The following SOS1 variants were observed in gnomAD, a reference collection of about 807,000 sequenced individuals.
SOS1 encodes the protein SOS Ras/Rac guanine nucleotide exchange factor 1, also known as son of sevenless homolog 1.
Under a neutral mutation model 157.6 loss-of-function variants are expected in SOS1, and 25 were observed. The ratio of observed to expected loss-of-function variants is 0.16; its 90% CI spans 0.12 to 0.22. SOS1 has a LOEUF of 0.22. Ranked by LOEUF, SOS1 falls within the 10% of genes least tolerant of loss-of-function variation. SOS1 has a pLI of 1.00. For missense variants in SOS1, 1,237 were observed against 1,599.1 expected (o/e 0.77, Z 3.86); for synonymous variants, 528 against 534.0 (o/e 0.99, Z 0.16).
At chr2:39,048,400 TTTC>T (rs1670873395) in intron 6 of SOS1, among the ~76,000 whole-genome samples, 1 of 152,086 alleles carries the variant, frequency 6.6e-6, no homozygotes, top group Non-Finnish European at 1.5e-5. Context: ...CTTTTAAGAT[TTTC>T]TTTTTTTTTT....
At chr2:39,040,159 C>T (rs1670515134) in intron 6 of SOS1, among the ~76,000 whole-genome samples, 1 of 151,910 alleles carries the variant, frequency 6.6e-6, no homozygotes, top group Non-Finnish European at 1.5e-5. Context: ...CTACAAGCGC[C>T]CGCCACTACA....
At chr2:39,011,347 A>C (rs183225385) in intron 14 of SOS1, among the ~76,000 whole-genome samples, 8 of 152,244 alleles carry the variant, frequency 5.3e-5, no homozygotes, top group African/African-American at 1.9e-4. Flanking sequence ...TTAGGGTGAC[A>C]AAGTAGACAT....
At chr2:38,995,587 A>G (rs1435464271) in intron 19 of SOS1, among the ~76,000 whole-genome samples, 200 bp from the exon 20 acceptor site, 1 of 152,144 alleles carries the variant, frequency 6.6e-6, no homozygotes, top group Non-Finnish European at 1.5e-5. Context: ...AAATTGTTAA[A>G]GAATGCATTT....
intron 2 of SOS1, among the ~76,000 whole-genome samples, chr2:39,065,566 T>C (rs1235493600): frequency 6.6e-6 from 1 of 152,240 alleles, no homozygotes; most frequent in Non-Finnish European, 1.5e-5. Context: ...TTTCTCTCTT[T>C]CAGATGTCCT....
intron 1 of SOS1, among the ~76,000 whole-genome samples, chr2:39,086,930 A>G (rs930911663): frequency 1.3e-5 from 2 of 152,070 alleles, no homozygotes; most frequent in Non-Finnish European, 2.9e-5. Flanking sequence ...CTCCTGCCTC[A>G]GCCTCCCAAG....
intron 8 of SOS1, among the ~76,000 whole-genome samples, chr2:39,033,265 G>C (rs949316367): frequency 1.6e-4 from 24 of 147,200 alleles, no homozygotes; most frequent in African/African-American, 5.7e-4. Flanking sequence ...GGACTAATTA[G>C]ACAAAATTTC....
rs70954777 is a variant in SOS1, at chr2:39,021,525, G to GA, written c.1858+1044dup. 5.0e-3 allele frequency among the ~76,000 whole-genome samples: 524 copies of GA among 104,676 alleles called. 3 individuals are homozygous for GA. The highest frequency in any genetic ancestry group is 6.3e-3 in the African/African-American group (178 of 28,226). 68.7% of individuals were successfully genotyped at this position (104,676 alleles called of 152,430 possible). ...TAAGTCTTCTTACAATGCTCTACAGGAAAAAAAAAAAAAAAAAAAAAATTA... is the reference window on the plus strand; with the variant it reads ...TAAGTCTTCTTACAATGCTCTACAGGAAAAAAAAAAAAAAAAAAAAAAATTA... On this transcript the variant is annotated intron_variant, in intron 10 of 22. Coordinates refer to ENST00000402219, the MANE Select transcript of SOS1 (RefSeq NM_005633.4).
At chr2:39,034,744 T>C (rs963227031) in intron 8 of SOS1, 5 of 454,052 alleles carry the variant, frequency 1.1e-5, no homozygotes, top group African/African-American at 6.0e-5. Flanking sequence ...AGTTGCAAAC[T>C]TGAGCTATGA....
At chr2:39,016,182 G>A (rs1224629872) in intron 10 of SOS1, among the ~76,000 whole-genome samples, 4 of 151,780 alleles carry the variant, frequency 2.6e-5, no homozygotes, top group Non-Finnish European at 5.9e-5. Context: ...TTGATATGTG[G>A]TCATCGAGAT....
At chr2:39,114,860 C>T (rs1389668789) in intron 1 of SOS1, among the ~76,000 whole-genome samples, 2 of 152,128 alleles carry the variant, frequency 1.3e-5, no homozygotes, top group Non-Finnish European at 2.9e-5. Context: ...GGCCTCCCAA[C>T]ATGCTAGGAT....
intron 1 of SOS1, among the ~76,000 whole-genome samples, chr2:39,074,162 C>T (rs1445591423): frequency 6.6e-6 from 1 of 152,030 alleles, no homozygotes; most frequent in African/African-American, 2.4e-5. Flanking sequence ...CAAGCCTGAG[C>T]AACACAGTGA....
intron 1 of SOS1, among the ~76,000 whole-genome samples, chr2:39,119,863 C>G (rs973158782): frequency 3.9e-5 from 6 of 152,198 alleles, no homozygotes; most frequent in Non-Finnish European, 8.8e-5. Context: ...GCGAGCAGAG[C>G]AGGCCACGTT....
At chr2:39,052,280 ATTTTT>A (rs138822500) in intron 5 of SOS1, among the ~76,000 whole-genome samples, 1 of 152,110 alleles carries the variant, frequency 6.6e-6, no homozygotes, top group Non-Finnish European at 1.5e-5. Flanking sequence ...CTATTATTTG[ATTTTT>A]TTATCAGTGA....
intron 1 of SOS1, among the ~76,000 whole-genome samples, chr2:39,113,207 T>A (rs1442810146): frequency 1.3e-5 from 2 of 152,144 alleles, no homozygotes; most frequent in African/African-American, 4.8e-5. Flanking sequence ...TTAATGTATT[T>A]AGAGACACAG....
intron 1 of SOS1, among the ~76,000 whole-genome samples, chr2:39,111,982 G>A (rs1376051347): frequency 1.3e-5 from 2 of 151,114 alleles, no homozygotes; most frequent in African/African-American, 2.4e-5. Flanking sequence ...TGCCCTCCTT[G>A]GCCTCTATCT....
At chr2:39,072,715 A>G (rs1052608762) in intron 1 of SOS1, among the ~76,000 whole-genome samples, 7 of 152,232 alleles carry the variant, frequency 4.6e-5, no homozygotes, top group Non-Finnish European at 8.8e-5. Flanking sequence ...TAAATCAAAC[A>G]AAGAATTAGC....
chr2:39,013,873 T>A lies in SOS1; in HGVS notation c.2057A>T (p.Gln686Leu), dbSNP rs751118433. 3 of 1,610,496 alleles carry A rather than the reference T, an allele frequency of 1.9e-6. No individual in the cohort carries two copies. The highest frequency in any genetic ancestry group is 3.3e-4 in the Middle Eastern group (2 of 6,048). Residue 686 changes from glutamine (Q) to leucine (L), a missense_variant, in exon 12 of 23, where the codon CAA becomes CTA. Physicochemically the swap from Gln to Leu is moderately radical, Grantham distance 113. Around this residue, in one of 15 missense-constraint regions of SOS1, gnomAD observed 42 missense variants for 80.4 expected, o/e 0.52. Transcript: ENST00000402219. ...TCATTTATTTAATGCTTACCGCAGT[T>A]GCACAGGCTGTATATATTCTTTTCT... ...RFRKEYIQPV[Q>L]LRVLNVCRHW...
chr2:39,114,298 CTTTTTT>C (rs747826503), intron 1 of SOS1, among the ~76,000 whole-genome samples: 1 of 143,864 alleles, frequency 7.0e-6, no homozygotes, highest in South Asian at 2.2e-4. Flanking sequence ...TTGTTCTTTT[CTTTTTT>C]TTTTTTCTTT....
chr2:39,115,649 G>A (rs1673623113), intron 1 of SOS1, among the ~76,000 whole-genome samples: 1 of 151,940 alleles, frequency 6.6e-6, no homozygotes. Flanking sequence ...TGTTGCCTAG[G>A]CTGGCCTGGA....
Sources: allele counts gnomAD v4.1 joint callset (sites outside exome capture counted in the v4.1 genomes callset), GRCh38; gene constraint gnomAD v4.1.1; regional missense constraint gnomAD v4.1.1; transcripts MANE v1.5; gene names NCBI Gene and HGNC (gene_info 2026-07-23, HGNC 2026-07-21).